Variants in LDB2 observed in about 807,000 individuals in gnomAD.
The protein encoded by LDB2 is LIM domain binding 2.
In LDB2, 12 loss-of-function variants were observed where a neutral mutation model predicts 44.3. The ratio of observed to expected loss-of-function variants is 0.27; its 90% confidence interval spans 0.17 to 0.44. The LOEUF (loss-of-function observed/expected upper bound fraction) is 0.44. LDB2 is among the 20% of genes least tolerant of loss of function. LDB2 has a pLI of 1.00. For synonymous variants in LDB2, 164 were observed against 174.8 expected (o/e 0.94, Z 0.49); for missense variants, 344 against 473.5 (o/e 0.73, Z 2.54).
intron 2 of LDB2, among the ~76,000 whole-genome samples, chr4:16,624,568 T>C (rs1212869491): frequency 6.6e-6 from 1 of 152,228 alleles, no homozygotes; most frequent in African/African-American, 2.4e-5. Flanking sequence ...CCCAATTTTA[T>C]ATAAAAAAGA....
intron 4 of LDB2, 44 bp from the exon 5 acceptor site, chr4:16,586,049 C>T (rs377358874): frequency 4.7e-5 from 69 of 1,456,458 alleles, no homozygotes; most frequent in African/African-American, 1.1e-4. Flanking sequence ...CACTACAGGA[C>T]GGTCCTGAGA....
chr4:16,726,941 A>T (rs566792847), intron 2 of LDB2, among the ~76,000 whole-genome samples: 4 of 152,234 alleles, frequency 2.6e-5, no homozygotes, highest in African/African-American at 9.6e-5. Flanking sequence ...TATGTACATT[A>T]TGTGTGTGTG....
chr4:16,765,529 G>C (rs372047590), intron 1 of LDB2, among the ~76,000 whole-genome samples: 2 of 152,202 alleles, frequency 1.3e-5, no homozygotes, highest in East Asian at 3.9e-4. Flanking sequence ...TTTTCCTAAA[G>C]TATGCTCCAG....
chr4:16,664,113 C>G (rs1348614433), intron 2 of LDB2, among the ~76,000 whole-genome samples: 1 of 152,122 alleles, frequency 6.6e-6, no homozygotes, highest in African/African-American at 2.4e-5. Context: ...ATCCTAACTC[C>G]CAAGATGATG....
intron 1 of LDB2, among the ~76,000 whole-genome samples, chr4:16,831,018 A>T (rs1428648553): frequency 6.6e-6 from 1 of 152,136 alleles, no homozygotes; most frequent in Non-Finnish European, 1.5e-5. Context: ...GAAAGAGCTG[A>T]CTGTGTCCAT....
chr4:16,750,151 C>G (rs186078436), intron 2 of LDB2, among the ~76,000 whole-genome samples: 1 of 152,278 alleles, frequency 6.6e-6, no homozygotes, highest in Admixed American at 6.5e-5. Flanking sequence ...CACCTGAAAT[C>G]ATCTCTTAGA....
intron 5 of LDB2, among the ~76,000 whole-genome samples, chr4:16,558,049 A>T (rs1484706883): frequency 6.6e-6 from 1 of 152,220 alleles, no homozygotes; most frequent in Non-Finnish European, 1.5e-5. Flanking sequence ...GGACATCCAC[A>T]CCAAAAACCC....
chr4:16,556,884 G>A (rs1288280085), intron 5 of LDB2, among the ~76,000 whole-genome samples: 1 of 152,092 alleles, frequency 6.6e-6, no homozygotes, highest in Non-Finnish European at 1.5e-5. Flanking sequence ...TTTGGGGGAG[G>A]CAGATTCTAA....
At chr4:16,651,703 T>A (rs2132631) in intron 2 of LDB2, among the ~76,000 whole-genome samples, 1 of 152,014 alleles carries the variant, frequency 6.6e-6, no homozygotes, top group East Asian at 1.9e-4. Flanking sequence ...CCTAGACTCC[T>A]GTGCGGTCTT....
At position 16,760,949 on chromosome 4, in the gene LDB2, A is replaced by C. The variant is rs180756289; in HGVS notation, c.133-1689T>G. Among the ~76,000 whole-genome samples the C allele has an allele frequency of 1.1e-3, 171 of 152,028 alleles. 2 individuals are homozygous for C. The highest frequency in any genetic ancestry group is 6.9e-3 in the Middle Eastern group (2 of 290). ...CCACATGCCAAGCACTAGTCTAATG[A>C]CTTTATGTGTATTTTCCTACTTAAT... On this transcript the variant is annotated intron_variant, in intron 1 of 7. Transcript: ENST00000304523.
intron 2 of LDB2, among the ~76,000 whole-genome samples, chr4:16,659,814 C>G (rs1481377993): frequency 6.6e-6 from 1 of 151,952 alleles, no homozygotes; most frequent in Non-Finnish European, 1.5e-5. Flanking sequence ...TCATGTGACT[C>G]TGGAAATCAC....
intron 5 of LDB2, among the ~76,000 whole-genome samples, chr4:16,562,105 C>A (rs1742567027): frequency 6.6e-6 from 1 of 152,138 alleles, no homozygotes; most frequent in African/African-American, 2.4e-5. Flanking sequence ...AGATCTAAAA[C>A]CATAAAAACC....
intron 2 of LDB2, among the ~76,000 whole-genome samples, chr4:16,660,773 G>A (rs749514577): frequency 6.6e-6 from 1 of 152,118 alleles, no homozygotes; most frequent in South Asian, 2.1e-4. Context: ...CTCTTTCATA[G>A]TCAGTGACCC....
chr4:16,782,130 G>C (rs146923864), intron 1 of LDB2, among the ~76,000 whole-genome samples: 1 of 152,038 alleles, frequency 6.6e-6, no homozygotes, highest in African/African-American at 2.4e-5. Context: ...ATTCCAAACC[G>C]CAGGCCAGGT....
intron 2 of LDB2, among the ~76,000 whole-genome samples, chr4:16,610,883 C>T (rs1369660126): frequency 6.6e-6 from 1 of 152,108 alleles, no homozygotes; most frequent in Non-Finnish European, 1.5e-5. Flanking sequence ...AGATACTCCA[C>T]AAGAAGATCA....
At chr4:16,620,611 AGGTGAGAAG>A (rs1216686151) in intron 2 of LDB2, among the ~76,000 whole-genome samples, 4 of 151,972 alleles carry the variant, frequency 2.6e-5, no homozygotes, top group African/African-American at 9.7e-5. Context: ...GAATGTGGGG[AGGTGAGAAG>A]GGTGATGAAA....
At chr4:16,644,732 G>T (rs1736216870) in intron 2 of LDB2, among the ~76,000 whole-genome samples, 1 of 151,998 alleles carries the variant, frequency 6.6e-6, no homozygotes, top group Non-Finnish European at 1.5e-5. Context: ...ACTTGGCCAT[G>T]AACCAATTTT....
At chr4:16,610,878 C>T (rs1468839472) in intron 2 of LDB2, among the ~76,000 whole-genome samples, 4 of 152,128 alleles carry the variant, frequency 2.6e-5, no homozygotes, top group Admixed American at 6.5e-5. Flanking sequence ...CATTAAGATA[C>T]TCCACAAGAA....
At chr4:16,612,918 A>G (rs1160646047) in intron 2 of LDB2, among the ~76,000 whole-genome samples, 1 of 152,212 alleles carries the variant, frequency 6.6e-6, no homozygotes, top group African/African-American at 2.4e-5. Flanking sequence ...ACTTTAGGCC[A>G]ATAACCCTGA....
Sources: gnomAD v4.1 joint callset for allele counts (sites outside exome capture counted in the v4.1 genomes callset) on GRCh38, gnomAD v4.1.1 for gene constraint, MANE v1.5 for transcripts, NCBI Gene and HGNC (gene_info 2026-07-23, HGNC 2026-07-21) for gene names.